Variants in MGAT4C observed in about 807,000 individuals in gnomAD.
The protein encoded by MGAT4C is MGAT4 family member C, also known as alpha-1,3-mannosyl-glycoprotein 4-beta-N-acetylglucosaminyltransferase C.
Under a neutral mutation model 40.1 loss-of-function variants are expected in MGAT4C, and 19 were observed. That is an observed-to-expected ratio of 0.47 (90% CI 0.33 to 0.70). The LOEUF (loss-of-function observed/expected upper bound fraction) is 0.70, where lower values mean the gene tolerates loss of function less well. Among genes scored for constraint, MGAT4C ranks in the 30% least tolerant of loss-of-function variants. The probability of loss-of-function intolerance (pLI) is 0.02; values close to 1 mark genes in which losing one functional copy is unlikely to be tolerated. For synonymous variants in MGAT4C, 181 were observed against 187.1 expected (o/e 0.97, Z 0.27); for missense variants, 491 against 563.2 (o/e 0.87, Z 1.30).
chr12:86,389,510 T>C (rs748750503), intron 3 of MGAT4C, among the ~76,000 whole-genome samples: 4 of 152,206 alleles, frequency 2.6e-5, no homozygotes, highest in Non-Finnish European at 4.4e-5. Flanking sequence ...AACATATGTG[T>C]GCATGAGTCT....
intron 4 of MGAT4C, among the ~76,000 whole-genome samples, chr12:86,298,600 A>G (rs763262143): frequency 1.3e-5 from 2 of 152,176 alleles, no homozygotes; most frequent in Non-Finnish European, 2.9e-5. Flanking sequence ...AAATATGGCA[A>G]AGCTTAAATA....
chr12:86,809,634 G>A (rs1470116866), intron 1 of MGAT4C, among the ~76,000 whole-genome samples: 2 of 151,958 alleles, frequency 1.3e-5, no homozygotes, highest in East Asian at 1.9e-4. Context: ...GCATAATAAT[G>A]TTGAATAGCT....
chr12:86,532,656 T>C lies in MGAT4C; in HGVS notation c.-228-97391A>G, dbSNP rs138198110. Among the ~76,000 whole-genome samples, 510 of 152,150 alleles carry C rather than the reference T, an allele frequency of 3.4e-3. 1 individual carries two copies. The highest frequency in any genetic ancestry group is 0.012 in the African/African-American group (493 of 41,552). ...CTGTAAATTAAGGCAATAGTATGGATTTAGAAACAACCTATTAAATATGGT... is the reference window on the plus strand; with the variant it reads ...CTGTAAATTAAGGCAATAGTATGGACTTAGAAACAACCTATTAAATATGGT... On this transcript the variant is annotated intron_variant, in intron 2 of 7. Coordinates refer to the MGAT4C transcript ENST00000548651.
chr12:86,610,957 C>T (rs1474662349), intron 2 of MGAT4C, among the ~76,000 whole-genome samples: 1 of 151,902 alleles, frequency 6.6e-6, no homozygotes, highest in African/African-American at 2.4e-5. Context: ...AGAGATTCCC[C>T]ATTAGAGGAA....
intron 1 of MGAT4C, among the ~76,000 whole-genome samples, chr12:86,749,464 T>G (rs1002357709): frequency 1.3e-5 from 2 of 151,748 alleles, no homozygotes; most frequent in African/African-American, 2.4e-5. Context: ...TACTTTGATA[T>G]GATTTTTCCT....
intron 1 of MGAT4C, among the ~76,000 whole-genome samples, chr12:86,239,790 G>T (rs932066914): frequency 3.4e-5 from 5 of 145,878 alleles, no homozygotes; most frequent in African/African-American, 1.0e-4. Flanking sequence ...TTGATTAAAA[G>T]ATCTTATCCC....
intron 3 of MGAT4C, among the ~76,000 whole-genome samples, chr12:86,359,702 C>T (rs1370960627): frequency 6.6e-6 from 1 of 152,240 alleles, no homozygotes; most frequent in Non-Finnish European, 1.5e-5. Context: ...ACTATAAACA[C>T]GTCTATGCAA....
At chr12:86,189,457 G>A (rs1889128933) in intron 1 of MGAT4C, among the ~76,000 whole-genome samples, 1 of 151,854 alleles carries the variant, frequency 6.6e-6, no homozygotes, top group Non-Finnish European at 1.5e-5. Context: ...TTAGCATTGT[G>A]ACAGCAAAAA....
chr12:86,655,412 T>C lies in MGAT4C; in HGVS notation c.-229+71797A>G, dbSNP rs73394985. ...AAAAGTCACTGGACACTACAAGTAT[T>C]TTGATATTTCTTTTTGCCTTCTAAT... On this transcript the variant is annotated intron_variant, in intron 2 of 7. Transcript: ENST00000548651. Among the ~76,000 whole-genome samples, 480 of 152,212 alleles carry C rather than the reference T, an allele frequency of 3.2e-3. 2 individuals carry two copies. The highest frequency in any genetic ancestry group is 0.011 in the African/African-American group (467 of 41,556).
chr12:86,654,220 C>T (rs971560257), intron 2 of MGAT4C, among the ~76,000 whole-genome samples: 4 of 151,838 alleles, frequency 2.6e-5, no homozygotes, highest in Non-Finnish European at 5.9e-5. Context: ...TTTGATTCTC[C>T]GTTTAATTTA....
At chr12:86,199,432 CAGTCCATTGTATTTTTTTA>C (rs1279809375) in intron 1 of MGAT4C, among the ~76,000 whole-genome samples, 1 of 152,044 alleles carries the variant, frequency 6.6e-6, no homozygotes, top group Non-Finnish European at 1.5e-5. Flanking sequence ...TTTCAGTGCT[CAGTCCATTGTATTTTTTTA>C]AGTTTTAAAA....
intron 1 of MGAT4C, among the ~76,000 whole-genome samples, chr12:86,222,465 C>G (rs896107061): frequency 2.0e-5 from 3 of 152,124 alleles, no homozygotes; most frequent in Non-Finnish European, 4.4e-5. Flanking sequence ...AAAAAAGTCT[C>G]TTATTGGCAT....
intron 4 of MGAT4C, among the ~76,000 whole-genome samples, chr12:86,283,808 A>G (rs1417027049): frequency 1.3e-5 from 2 of 152,112 alleles, no homozygotes; most frequent in African/African-American, 4.8e-5. Flanking sequence ...ACATGTTTAT[A>G]GCTGTTGGAA....
At chr12:86,834,097 T>C (rs1435215291) in intron 1 of MGAT4C, among the ~76,000 whole-genome samples, 1 of 151,808 alleles carries the variant, frequency 6.6e-6, no homozygotes, top group Non-Finnish European at 1.5e-5. Flanking sequence ...CTAGGTTGCT[T>C]CCAAATCTTA....
At chr12:86,276,528 A>AT (rs948025289) in intron 4 of MGAT4C, among the ~76,000 whole-genome samples, 1 of 151,960 alleles carries the variant, frequency 6.6e-6, no homozygotes, top group Non-Finnish European at 1.5e-5. Flanking sequence ...TTTTCTGTTT[A>AT]TTTTTTTATT....
chr12:86,752,440 G>C (rs1371851189), intron 1 of MGAT4C, among the ~76,000 whole-genome samples: 1 of 151,932 alleles, frequency 6.6e-6, no homozygotes. Context: ...GTCAAAGCAA[G>C]CAAGTTGCCA....
chr12:86,495,654 A>C (rs1340587089), intron 2 of MGAT4C, among the ~76,000 whole-genome samples: 1 of 152,164 alleles, frequency 6.6e-6, no homozygotes, highest in African/African-American at 2.4e-5. Context: ...ACCTACAGGA[A>C]GTTCTTGTGG....
At chr12:86,696,014 A>G (rs532764747) in intron 2 of MGAT4C, among the ~76,000 whole-genome samples, 3 of 152,124 alleles carry the variant, frequency 2.0e-5, no homozygotes, top group East Asian at 3.9e-4. Context: ...GATCAAGACC[A>G]TCCTGGCCAA....
intron 2 of MGAT4C, among the ~76,000 whole-genome samples, chr12:86,504,314 A>G (rs1037496703): frequency 2.0e-5 from 3 of 152,132 alleles, no homozygotes; most frequent in Non-Finnish European, 4.4e-5. Context: ...TTTGGTACAT[A>G]TGTGTGTGTA....
Sources: gnomAD v4.1 joint callset for allele counts (sites outside exome capture counted in the v4.1 genomes callset) on GRCh38, gnomAD v4.1.1 for gene constraint, MANE v1.5 for transcripts, NCBI Gene and HGNC (gene_info 2026-07-23, HGNC 2026-07-21) for gene names.